NRXN2: variants seen among roughly 807,000 people sequenced by gnomAD.
NRXN2 encodes neurexin-2-beta.
NRXN2 carries 29 observed loss-of-function variants against 128.8 expected under a neutral mutation model. That is an observed-to-expected ratio of 0.23 (90% CI 0.17 to 0.31). The LOEUF is 0.31. Among genes scored for constraint, NRXN2 ranks in the 10% least tolerant of loss-of-function variants. NRXN2 has a pLI of 1.00. For synonymous variants in NRXN2, 1,098 were observed against 1,075.2 expected, an observed-to-expected ratio of 1.02 and a Z score of -0.41; for missense variants, 1,881 against 2,452.6, an observed-to-expected ratio of 0.77 and a Z score of 4.92.
chr11:64,607,178 G>C lies in NRXN2; in HGVS notation c.*18C>G. 6.2e-7 allele frequency: 1 copy of C among 1,608,352 alleles called. No homozygotes were observed. On this transcript the variant is annotated 3_prime_UTR_variant, in exon 23 of 23. Transcript: ENST00000265459. ...CTCCCAGGAGGGGCAGCTGGCAGTGGGGCGCAGTGCCGGGGGCTCAGACAT... is the reference window on the plus strand; with the variant it reads ...CTCCCAGGAGGGGCAGCTGGCAGTGCGGCGCAGTGCCGGGGGCTCAGACAT...
chr11:64,716,608 T>C (rs2057311376), intron 1 of NRXN2, among the ~76,000 whole-genome samples: 2 of 152,118 alleles, frequency 1.3e-5, no homozygotes, highest in Admixed American at 1.3e-4. Context: ...GGGCAGAGGC[T>C]GGGCTTATGT....
rs1360570951 is a variant in NRXN2, at chr11:64,607,494, G to T, written c.4841C>A (p.Pro1614His). ...CGGGCCCCGCTCCCCAGGCCCTGTG[G>T]GGTTGGCTGTGGGCAGATGGGGGAA... ...PGFPHLPTAN[P>H]TGPGERGPPG... Residue 1614 changes from proline to histidine, a missense_variant, in exon 23 of 23, where the codon CCC (proline) becomes CAC (histidine). Around this residue, in one of 7 missense-constraint regions of NRXN2, gnomAD observed 310 missense variants for 318.2 expected, o/e 0.97. Transcript: ENST00000265459. 5 of 1,601,328 alleles carry T rather than the reference G, an allele frequency of 3.1e-6. No individual in the cohort carries two copies. The highest frequency in any genetic ancestry group is 4.3e-6 in the Non-Finnish European group (5 of 1,176,260).
In NRXN2 at chr11:64,692,892, G is replaced by C. The variant is rs1243059410; in HGVS notation, c.749-16C>G. On this transcript the variant is annotated splice_polypyrimidine_tract_variant and intron_variant, in intron 3 of 22. Coordinates refer to ENST00000265459, the MANE Select transcript of NRXN2 (RefSeq NM_015080.4). ...TGAGCCGGACCTTGGAAAGGGGAAG[G>C]AGAGAAAGAAAGAAAGAAAAAAAGA... 6.2e-7 allele frequency: 1 copy of C among 1,604,798 alleles called. No individual in the cohort carries two copies. The highest frequency in any genetic ancestry group is 8.5e-7 in the Non-Finnish European group (1 of 1,172,894).
chr11:64,659,750 G>A (rs2048754919), intron 11 of NRXN2: 2 of 163,112 alleles, frequency 1.2e-5, no homozygotes, highest in Admixed American at 1.1e-4. Flanking sequence ...GCTCAAATGT[G>A]AAAGCTCATG....
At chr11:64,608,162 A>G in intron 22 of NRXN2, 80 bp from the exon 23 acceptor site, 2 of 1,024,654 alleles carry the variant, frequency 2.0e-6, no homozygotes, top group Non-Finnish European at 3.0e-6. Flanking sequence ...GAGAGAAACA[A>G]CAGCCTCACA....
chr11:64,690,432 C>T lies in NRXN2; in HGVS notation c.823G>A (p.Ala275Thr). Residue 275 changes from alanine (A) to threonine (T), a missense_variant, in exon 5 of 23, where the codon GCC (alanine) becomes ACC (threonine). Around this residue, in one of 7 missense-constraint regions of NRXN2, gnomAD observed 997 missense variants for 1,240.8 expected, o/e 0.80. Coordinates refer to ENST00000265459, the MANE Select transcript of NRXN2 (RefSeq NM_015080.4). ...TTTGTTGGCTGGTGCACATCGCCGG[C>T]TCCTCCTCTCCCGGCCCCCCCCTCG... ...FSEGGAGRGG[A>T]GDVHQPTKGK... 6.2e-7 allele frequency: 1 copy of T among 1,613,484 alleles called. No individual in the cohort carries two copies. Among genetic ancestry groups the T allele is most frequent in the Non-Finnish European group, 8.5e-7 (1 of 1,179,872 alleles).
In NRXN2 at chr11:64,704,073, C is replaced by G. The variant is rs181350574; in HGVS notation, c.731-6281G>C. Among the ~76,000 whole-genome samples, 755 of 152,036 alleles carry G rather than the reference C, an allele frequency of 5.0e-3. 7 individuals carry two copies. The highest frequency in any genetic ancestry group is 0.017 in the African/African-American group (702 of 41,548). On this transcript the variant is annotated intron_variant, in intron 2 of 22. Coordinates refer to ENST00000265459, the MANE Select transcript of NRXN2 (RefSeq NM_015080.4). ...CTGTCTATACCACCCTCTAGAGAAG[C>G]CTGTCCCATTCTACCTGGAGCCACT...
rs2048767583 is a variant in NRXN2, at chr11:64,659,821, C to T, written c.2389+511G>A. 6 of 217,458 alleles carry T rather than the reference C, an allele frequency of 2.8e-5. No homozygotes were observed. The South Asian group carries it at 5.0e-4, about 18-fold the overall frequency. 13.5% of individuals were successfully genotyped at this position (217,458 alleles called of 1,614,324 possible). On this transcript the variant is annotated intron_variant, in intron 11 of 22. Coordinates refer to ENST00000265459, the MANE Select transcript of NRXN2 (RefSeq NM_015080.4). ...CAGTGTACACACATGCACCTCCACA[C>T]ACCAACACACAGACTGCTGTTTAGA...
intron 20 of NRXN2, among the ~76,000 whole-genome samples, chr11:64,624,157 C>T (rs1171452996): frequency 6.6e-6 from 1 of 152,158 alleles, no homozygotes; most frequent in Non-Finnish European, 1.5e-5. Flanking sequence ...CCCTTGTTAG[C>T]CTCTGGTTAG....
chr11:64,650,424 C>A, intron 15 of NRXN2, 24 bp downstream of exon 15: 1 of 1,613,714 alleles, frequency 6.2e-7, no homozygotes, highest in Non-Finnish European at 8.5e-7. Flanking sequence ...AGGGCCAGGC[C>A]TTCTCCAGAG....
In NRXN2 at chr11:64,630,492, C is replaced by T; in HGVS notation, c.3667G>A (p.Gly1223Ser). The change falls in exon 19 of 23, where the codon GGC becomes AGC. Residue 1223 changes from glycine to serine, a missense_variant. Transcript: ENST00000265459. This position sits in a 1 kb window ranked among gnomAD's most constrained non-coding sequence, Gnocchi z 4.6. ...GTGAAGCGCACCACGTGGTATTTGC[C>T]GTCGCTTACTATGGCGTTGGGCTCG... ...IDEPNAIVSD[G>S]KYHVVRFTRS... 6.2e-7 allele frequency: 1 copy of T among 1,614,046 alleles called. No individual in the cohort carries two copies.
chr11:64,660,702 A>C lies in NRXN2; in HGVS notation c.2185+51T>G. 1 of 1,603,710 alleles carries C rather than the reference A, an allele frequency of 6.2e-7. No homozygotes were observed. Among genetic ancestry groups the C allele is most frequent in the Non-Finnish European group, 8.5e-7 (1 of 1,179,182 alleles). ...GAAAGTAGGAGTCACCCTGAGAAGG[A>C]GGAGCACAGGGATAGGGAGCAGGGA... On this transcript the variant is annotated intron_variant, in intron 10 of 22. Coordinates refer to ENST00000265459, the MANE Select transcript of NRXN2 (RefSeq NM_015080.4). This position sits in a 1 kb window ranked among gnomAD's most constrained non-coding sequence, Gnocchi z 5.2.
chr11:64,645,402 G>A (rs2046492934), intron 17 of NRXN2, among the ~76,000 whole-genome samples: 1 of 152,110 alleles, frequency 6.6e-6, no homozygotes, highest in South Asian at 2.1e-4. Flanking sequence ...GAGATCAATA[G>A]AGACTGCAGA....
chr11:64,650,651 A>C lies in NRXN2; in HGVS notation c.2919-13T>G. ...GTAGTGGATGTACCTGCCCCACAGT[A>C]GGGAGGAGACACTGGGTCAGGGCGG... is the stretch of plus-strand genomic sequence containing the variant. On this transcript the variant is annotated splice_polypyrimidine_tract_variant and intron_variant, in intron 14 of 22. Transcript: ENST00000265459. 2 of 1,613,738 alleles carry C rather than the reference A, an allele frequency of 1.2e-6. No individual in the cohort carries two copies. The highest frequency in any genetic ancestry group is 1.6e-4 in the Middle Eastern group (1 of 6,062).
chr11:64,643,071 G>A, intron 17 of NRXN2: 1 of 991,770 alleles, frequency 1.0e-6, no homozygotes, highest in South Asian at 4.7e-5. Context: ...ATCCCGGCGG[G>A]GTCGGAGCGG....
intron 22 of NRXN2, among the ~76,000 whole-genome samples, chr11:64,614,064 A>G (rs1236776909): frequency 6.6e-6 from 1 of 152,142 alleles, no homozygotes; most frequent in African/African-American, 2.4e-5. Flanking sequence ...GTTTGCAAGC[A>G]GAAGTGAAAA....
chr11:64,627,165 G>C (rs1337710016), intron 19 of NRXN2, among the ~76,000 whole-genome samples: 2 of 151,772 alleles, frequency 1.3e-5, no homozygotes, highest in Non-Finnish European at 2.9e-5. Context: ...CCACACCTAT[G>C]ACCCCGCCAC....
intron 12 of NRXN2, 82 bp from the exon 13 acceptor site, chr11:64,652,236 G>A: frequency 6.6e-7 from 1 of 1,521,048 alleles, no homozygotes; most frequent in Non-Finnish European, 8.8e-7. Context: ...TACACAGACA[G>A]CCTCCCCATC....
chr11:64,607,469 C>T lies in NRXN2; in HGVS notation c.4866G>A (p.Pro1622=), dbSNP rs766598606. The T allele has an allele frequency of 2.5e-6, 4 of 1,607,178 alleles. No homozygotes were observed. The highest frequency in any genetic ancestry group is 1.7e-5 in the Admixed American group (1 of 59,826). The change falls in exon 23 of 23, where the codon CCG becomes CCA. Residue 1622 remains proline (P), a synonymous_variant. Coordinates refer to ENST00000265459, the MANE Select transcript of NRXN2 (RefSeq NM_015080.4). ...CCCGGATCACCTCCACTGCGCCCGGCGGGCCCCGCTCCCCAGGCCCTGTGG... is the reference window on the plus strand; with the variant it reads ...CCCGGATCACCTCCACTGCGCCCGGTGGGCCCCGCTCCCCAGGCCCTGTGG... The part of the protein sequence containing the change: ...ANPTGPGERG[P]PGAVEVIRES...
Sources: allele counts gnomAD v4.1 joint callset (sites outside exome capture counted in the v4.1 genomes callset), GRCh38; gene constraint gnomAD v4.1.1; regional missense constraint gnomAD v4.1.1; non-coding constraint Gnocchi (gnomAD v3.1); transcripts MANE v1.5; gene names NCBI Gene and HGNC (gene_info 2026-07-23, HGNC 2026-07-21).